Variants in KAZN observed in about 807,000 individuals in gnomAD.
KAZN encodes kazrin, periplakin interacting protein.
A neutral mutation model predicts 87.4 loss-of-function variants in KAZN; 40 were observed. The observed-to-expected ratio is 0.46, with a 90% CI of 0.36 to 0.60. The LOEUF (loss-of-function observed/expected upper bound fraction) is 0.60, where lower values mean the gene tolerates loss of function less well. KAZN is among the 20% of genes least tolerant of loss of function. The pLI, the probability that KAZN is intolerant of heterozygous loss-of-function variation, is 0.00. For synonymous variants in KAZN, 466 were observed against 458.3 expected, an observed-to-expected ratio of 1.02 and a Z score of -0.22; for missense variants, 898 against 1,073.9, an observed-to-expected ratio of 0.84 and a Z score of 2.29.
intron 1 of KAZN, among the ~76,000 whole-genome samples, chr1:14,180,075 C>A (rs955019404): frequency 1.3e-5 from 2 of 152,094 alleles, no homozygotes; most frequent in Admixed American, 6.5e-5. Flanking sequence ...TTAATTTCTG[C>A]AGTTTATAAA....
intron 2 of KAZN, among the ~76,000 whole-genome samples, chr1:14,413,553 C>T (rs1664480069): frequency 7.6e-6 from 1 of 131,304 alleles, no homozygotes; most frequent in Non-Finnish European, 1.6e-5. Flanking sequence ...CGCGCCACTG[C>T]ACTCCAGCCT....
rs1311235573 is a variant in KAZN, at chr1:15,066,704, C to T, written c.1222+951C>T. ...GAGGTGGGTGTCTCTGTTGACTTGT[C>T]TGTTCTGTTACCATGCTGCTACCCA... is the stretch of plus-strand genomic sequence containing the variant. On this transcript the variant is annotated intron_variant, in intron 8 of 14. Coordinates refer to ENST00000376030, the MANE Select transcript of KAZN (RefSeq NM_201628.3). This position sits in a 1 kb window ranked among gnomAD's most constrained non-coding sequence, Gnocchi z 4.3. 4 of 985,276 alleles carry T rather than the reference C, an allele frequency of 4.1e-6. No individual in the cohort carries two copies. The East Asian group carries it at 4.5e-4, about 112-fold the overall frequency. The allele number at this position is 985,276 out of a possible 1,614,324, so 61.0% of individuals were successfully genotyped here.
At chr1:14,879,078 A>G (rs1653057985) in intron 1 of KAZN, among the ~76,000 whole-genome samples, 1 of 152,174 alleles carries the variant, frequency 6.6e-6, no homozygotes, top group Non-Finnish European at 1.5e-5. Flanking sequence ...CAAGAGCAGG[A>G]AGAGTCCCTG....
chr1:13,970,774 A>G (rs568549490), intron 1 of KAZN, among the ~76,000 whole-genome samples: 1 of 152,212 alleles, frequency 6.6e-6, no homozygotes, highest in Admixed American at 6.5e-5. Context: ...TTCTATTCTG[A>G]TTTACTGGCA....
intron 1 of KAZN, among the ~76,000 whole-genome samples, chr1:14,800,870 G>T (rs976422563): frequency 1.3e-5 from 2 of 152,130 alleles, no homozygotes; most frequent in Non-Finnish European, 2.9e-5. Flanking sequence ...CGTAGTTGCC[G>T]GGGACTGTGG....
intron 2 of KAZN, among the ~76,000 whole-genome samples, chr1:14,264,040 A>G (rs1651283544): frequency 6.6e-6 from 1 of 152,156 alleles, no homozygotes; most frequent in African/African-American, 2.4e-5. Context: ...ACTACCACAA[A>G]TTTAGTGGCT....
intron 2 of KAZN, among the ~76,000 whole-genome samples, chr1:14,322,210 G>C (rs1349333460): frequency 6.6e-6 from 1 of 152,104 alleles, no homozygotes; most frequent in Non-Finnish European, 1.5e-5. Context: ...AGGATAGCTT[G>C]AGCCTAGGAG....
At chr1:14,335,421 T>A (rs926538498) in intron 2 of KAZN, among the ~76,000 whole-genome samples, 2 of 152,118 alleles carry the variant, frequency 1.3e-5, no homozygotes, top group African/African-American at 4.8e-5. Flanking sequence ...CAAGCCGGTC[T>A]CAAACTCCTG....
chr1:14,893,580 C>T (rs920045081), intron 1 of KAZN, among the ~76,000 whole-genome samples: 14 of 151,642 alleles, frequency 9.2e-5, no homozygotes, highest in African/African-American at 3.1e-4. Flanking sequence ...ATGGCCCCCT[C>T]GCCTTTACTG....
chr1:14,102,884 C>T (rs945661599), intron 1 of KAZN, among the ~76,000 whole-genome samples: 21 of 151,768 alleles, frequency 1.4e-4, no homozygotes, highest in Non-Finnish European at 2.1e-4. Context: ...ATGGGCTTCC[C>T]TCTGTACACA....
At chr1:14,157,889 A>G (rs1645629084) in intron 1 of KAZN, among the ~76,000 whole-genome samples, 1 of 152,194 alleles carries the variant, frequency 6.6e-6, no homozygotes, top group African/African-American at 2.4e-5. Flanking sequence ...GAAAGAAGAG[A>G]AAGCGAAGGG....
chr1:14,117,509 A>G (rs1644652567), intron 1 of KAZN, among the ~76,000 whole-genome samples: 1 of 152,122 alleles, frequency 6.6e-6, no homozygotes, highest in African/African-American at 2.4e-5. Context: ...GGTCTCAAGT[A>G]TGTCTTTATC....
At chr1:14,438,899 G>T (rs1666547552) in intron 2 of KAZN, among the ~76,000 whole-genome samples, 1 of 152,210 alleles carries the variant, frequency 6.6e-6, no homozygotes, top group Non-Finnish European at 1.5e-5. Flanking sequence ...AGCCCTTAGT[G>T]CTGTGAAGTC....
intron 2 of KAZN, among the ~76,000 whole-genome samples, chr1:14,470,182 A>T (rs913409585): frequency 6.6e-5 from 10 of 152,134 alleles, no homozygotes; most frequent in Non-Finnish European, 1.5e-5. Flanking sequence ...TGAGACAGAT[A>T]GCCCAGCTTG....
At chr1:14,896,019 TAAGTACAAATGAAA>T (rs948608776) in intron 1 of KAZN, among the ~76,000 whole-genome samples, 67 of 150,976 alleles carry the variant, frequency 4.4e-4, no homozygotes, top group African/African-American at 1.5e-3. Flanking sequence ...CAAAGGTCAG[TAAGTACAAATGAAA>T]AAGACGCCTT....
chr1:14,753,195 C>T lies in KAZN; in HGVS notation c.226+153972C>T, dbSNP rs547768377. On this transcript the variant is annotated intron_variant, in intron 1 of 14. Coordinates refer to ENST00000376030, the MANE Select transcript of KAZN (RefSeq NM_201628.3). ...TGCAACAAGCATGCATTGAGCACCT[C>T]CTGTTTATTTTTCAAATTTATTATT... is the stretch of plus-strand genomic sequence containing the variant. 2.7e-4 allele frequency among the ~76,000 whole-genome samples: 41 copies of T among 152,190 alleles called. 1 individual carries two copies. The South Asian group carries it at 8.1e-3, about 30-fold the overall frequency.
intron 1 of KAZN, among the ~76,000 whole-genome samples, chr1:14,932,836 T>C (rs1660005567): frequency 1.3e-5 from 2 of 152,150 alleles, no homozygotes; most frequent in South Asian, 4.1e-4. Flanking sequence ...AACATAAAAT[T>C]GACCATTTTA....
chr1:14,279,992 T>C (rs1489656533), intron 2 of KAZN, among the ~76,000 whole-genome samples: 2 of 152,074 alleles, frequency 1.3e-5, no homozygotes, highest in Non-Finnish European at 2.9e-5. Context: ...AAAATCCAGA[T>C]GTCAAAATCC....
chr1:15,025,109 G>A (rs1020696844), intron 2 of KAZN, among the ~76,000 whole-genome samples: 7 of 152,192 alleles, frequency 4.6e-5, no homozygotes, highest in Admixed American at 6.5e-5. Flanking sequence ...CACTGCTGTC[G>A]TTGTGGAGGA....
Sources: allele counts gnomAD v4.1 joint callset (sites outside exome capture counted in the v4.1 genomes callset), GRCh38; gene constraint gnomAD v4.1.1; non-coding constraint Gnocchi (gnomAD v3.1); transcripts MANE v1.5; gene names NCBI Gene and HGNC (gene_info 2026-07-23, HGNC 2026-07-21).